The following PTGDR variants were observed in gnomAD, a reference collection of about 807,000 sequenced individuals.
PTGDR encodes PGD2 receptor.
PTGDR carries 19 observed loss-of-function variants against 17.4 expected under a neutral mutation model. The observed-to-expected ratio is 1.09, with a 90% CI of 0.76 to 1.60. The LOEUF (loss-of-function observed/expected upper bound fraction) is 1.60. PTGDR is among the 40% of genes most tolerant of loss of function. PTGDR has a pLI of 0.00. For missense variants in PTGDR, 526 were observed against 481.9 expected (o/e 1.09, Z -0.86); for synonymous variants, 267 against 224.2 (o/e 1.19, Z -1.71).
chr14:52,269,374 C>A, intron 1 of PTGDR: 2 of 1,206,254 alleles, frequency 1.7e-6, no homozygotes, highest in South Asian at 1.3e-5. Flanking sequence ...AGTGAGGTGA[C>A]ATGAAAGCCA....
At position 52,273,603 on chromosome 14, in the gene PTGDR, C is replaced by T. The variant is rs1817710286; in HGVS notation, c.847-1128C>T. Among the ~76,000 whole-genome samples the T allele has an allele frequency of 2.0e-5, 3 of 152,144 alleles. 1 individual carries two copies. In the South Asian group the frequency reaches 6.2e-4, roughly 32 times the overall value. On this transcript the variant is annotated intron_variant, in intron 1 of 1. Transcript: ENST00000306051. ...GCTGAGTCCAGTGTAAGGTGTCTTC[C>T]TAAATGCACTAGATTGGAGTGGCTG...
In PTGDR at chr14:52,275,081, C is replaced by T; in HGVS notation, c.*117C>T. ...AATCCTTAAAAGTTACCTCCCATAA[C>T]AAAAGCATGTATATGTATTTTCAAA... is the stretch of plus-strand genomic sequence containing the variant. On this transcript the variant is annotated 3_prime_UTR_variant, in exon 2 of 2. Transcript: ENST00000306051. 1.3e-6 allele frequency: 1 copy of T among 792,848 alleles called. No homozygotes were observed. The allele number at this position is 792,848 out of a possible 1,614,324, so 49.1% of individuals were successfully genotyped here.
In PTGDR at chr14:52,275,136, A is replaced by C. The variant is rs1218755310; in HGVS notation, c.*172A>C. ...TTTGATATCTTAACAATGTGTTACC[A>C]TTCTATAGTCATGAACCCCTTCAGT... On this transcript the variant is annotated 3_prime_UTR_variant, in exon 2 of 2. Transcript: ENST00000306051. 3 of 610,386 alleles carry C rather than the reference A, an allele frequency of 4.9e-6. No individual in the cohort carries two copies. 37.8% of individuals were successfully genotyped at this position (610,386 alleles called of 1,614,324 possible).
At chr14:52,279,597 T>C (rs2033465701), downstream of PTGDR, among the ~76,000 whole-genome samples, 1 of 152,056 alleles carries the variant, frequency 6.6e-6, no homozygotes, top group Non-Finnish European at 1.5e-5. Context: ...TAATTAGGCT[T>C]CCTCTCTCTA....
At position 52,267,737 on chromosome 14, in the gene PTGDR, CG is replaced by C. The variant is rs939098796; in HGVS notation, c.-73del. On this transcript the variant is annotated 5_prime_UTR_variant, in exon 1 of 2. Coordinates refer to ENST00000306051, the MANE Select transcript of PTGDR (RefSeq NM_000953.3). ...CCGCCCGAGCCGCGCGCGGAGCTGC[CG>C]GGGGCTCCTTAGCACCCGGGCGCCG... 4 of 1,448,576 alleles carry C rather than the reference CG, an allele frequency of 2.8e-6. No homozygotes were observed. The highest frequency in any genetic ancestry group is 9.1e-7 in the Non-Finnish European group (1 of 1,104,874). The allele number at this position is 1,448,576 out of a possible 1,614,324, so 89.7% of individuals were successfully genotyped here. A position where few individuals can be genotyped will look rare whatever the true frequency, so the allele number is the denominator to read the frequency against.
chr14:52,269,447 G>T (rs2033283555), intron 1 of PTGDR: 1 of 1,528,926 alleles, frequency 6.5e-7, no homozygotes, highest in Non-Finnish European at 8.8e-7. Flanking sequence ...TCCTCATTTT[G>T]AAGGCATTTG....
At chr14:52,277,871 A>G (rs1355562630), downstream of PTGDR, among the ~76,000 whole-genome samples, 1 of 152,190 alleles carries the variant, frequency 6.6e-6, no homozygotes, top group Admixed American at 6.5e-5. Context: ...AAAAGAAAAG[A>G]AAAGAAAAAT....
chr14:52,271,465 A>C (rs961953891), intron 1 of PTGDR, among the ~76,000 whole-genome samples: 1 of 152,216 alleles, frequency 6.6e-6, no homozygotes, highest in Non-Finnish European at 1.5e-5. Context: ...AAGAAATTCT[A>C]AACATATGAT....
At chr14:52,280,102 A>G (rs2033470988), downstream of PTGDR, among the ~76,000 whole-genome samples, 1 of 152,204 alleles carries the variant, frequency 6.6e-6, no homozygotes, top group Non-Finnish European at 1.5e-5. Flanking sequence ...TTAAAACAAT[A>G]AAGCCCCAAA....
At chr14:52,271,916 A>G (rs1199308926) in intron 1 of PTGDR, among the ~76,000 whole-genome samples, 1 of 152,346 alleles carries the variant, frequency 6.6e-6, no homozygotes, top group East Asian at 1.9e-4. Flanking sequence ...AGGGGGAGAC[A>G]TGGGTGACAA....
At chr14:52,274,011 T>C (rs2033371427) in intron 1 of PTGDR, among the ~76,000 whole-genome samples, 3 of 151,584 alleles carry the variant, frequency 2.0e-5, no homozygotes, top group African/African-American at 4.9e-5. Flanking sequence ...ACAAGAGGAG[T>C]TGGTTGGACC....
chr14:52,268,235 C>A lies in PTGDR; in HGVS notation c.421C>A (p.Arg141=). The change falls in exon 1 of 2, where the codon CGA becomes AGA. Residue 141 remains arginine (R), a synonymous_variant. Coordinates refer to ENST00000306051, the MANE Select transcript of PTGDR (RefSeq NM_000953.3). ...CTCCCTAGGGCACCCTTTCTTCTAC[C>A]GACGGCACATCACCCTGCGCCTGGG... ...WLSLGHPFFY[R]RHITLRLGAL... is the part of the protein sequence containing the mutation. 1 of 1,614,054 alleles carries A rather than the reference C, an allele frequency of 6.2e-7. No individual in the cohort carries two copies. Among genetic ancestry groups the A allele is most frequent in the East Asian group, 2.2e-5 (1 of 44,892 alleles).
downstream of PTGDR, among the ~76,000 whole-genome samples, chr14:52,279,997 T>C (rs960011698): frequency 6.6e-6 from 1 of 152,066 alleles, no homozygotes; most frequent in Admixed American, 6.6e-5. Flanking sequence ...GAGTAAGCAC[T>C]TGGAATCTAA....
intron 1 of PTGDR, among the ~76,000 whole-genome samples, chr14:52,274,244 T>A (rs1366680421): frequency 6.6e-6 from 1 of 152,198 alleles, no homozygotes; most frequent in East Asian, 1.9e-4. Flanking sequence ...TATTGGTGTC[T>A]CCATACATAT....
downstream of PTGDR, among the ~76,000 whole-genome samples, chr14:52,278,417 TGA>T (rs771306092): frequency 1.3e-5 from 2 of 151,828 alleles, no homozygotes; most frequent in Non-Finnish European, 2.9e-5. Context: ...AATTGAACAA[TGA>T]GAACACATGG....
At chr14:52,268,721 G>A (rs2033267994) in intron 1 of PTGDR, 61 bp downstream of exon 1, 7 of 1,493,650 alleles carry the variant, frequency 4.7e-6, no homozygotes, top group African/African-American at 1.4e-5. Flanking sequence ...GATGCGGGGC[G>A]GGAAGGGTGG....
In PTGDR at chr14:52,268,383, A is replaced by G; in HGVS notation, c.569A>G (p.Glu190Gly). Residue 190 changes from glutamate (E) to glycine (G), a missense_variant, in exon 1 of 2, where the codon GAG becomes GGG. Coordinates refer to ENST00000306051, the MANE Select transcript of PTGDR (RefSeq NM_000953.3). The part of the protein sequence containing the change: ...GTWCFIQMVH[E>G]EGSLSVLGYS... ...TGGTGCTTTATCCAGATGGTCCACG[A>G]GGAGGGCTCGCTGTCGGTGCTGGGG... 3.7e-6 allele frequency: 6 copies of G among 1,612,466 alleles called. No individual in the cohort carries two copies. The highest frequency in any genetic ancestry group is 5.1e-6 in the Non-Finnish European group (6 of 1,180,030).
Position 52,267,760 on chromosome 14 carries a change from G to A in PTGDR, c.-55G>A. The A allele has an allele frequency of 4.0e-6, 6 of 1,491,170 alleles. No individual in the cohort carries two copies. Among genetic ancestry groups the A allele is most frequent in the Non-Finnish European group, 5.3e-6 (6 of 1,123,990 alleles). 92.4% of individuals were successfully genotyped at this position (1,491,170 alleles called of 1,614,324 possible). A position where few individuals can be genotyped will look rare whatever the true frequency, so the allele number is the denominator to read the frequency against. On this transcript the variant is annotated 5_prime_UTR_variant, in exon 1 of 2. Coordinates refer to ENST00000306051, the MANE Select transcript of PTGDR (RefSeq NM_000953.3). ...GCCGGGGGCTCCTTAGCACCCGGGC[G>A]CCGGGGCCCTCGCCCTTCCGCAGCC...
chr14:52,269,449 A>G, intron 1 of PTGDR: 1 of 1,529,516 alleles, frequency 6.5e-7, no homozygotes, highest in Non-Finnish European at 8.8e-7. Flanking sequence ...CTCATTTTGA[A>G]GGCATTTGTT....
Sources: allele counts gnomAD v4.1 joint callset (sites outside exome capture counted in the v4.1 genomes callset), GRCh38; gene constraint gnomAD v4.1.1; transcripts MANE v1.5; gene names NCBI Gene and HGNC (gene_info 2026-07-23, HGNC 2026-07-21).